Variants in SHANK1 observed in about 807,000 individuals in gnomAD.
SHANK1 encodes SH3 and multiple ankyrin repeat domains 1, also known as SH3 and multiple ankyrin repeat domains protein 1.
A neutral mutation model predicts 165.6 loss-of-function variants in SHANK1; 35 were observed. The observed-to-expected ratio is 0.21, with a 90% CI of 0.16 to 0.28. The LOEUF is 0.28. Among genes scored for constraint, SHANK1 ranks in the 10% least tolerant of loss-of-function variants. The pLI is 1.00. For synonymous variants in SHANK1, 1,428 were observed against 1,384.8 expected, an observed-to-expected ratio of 1.03 and a Z score of -0.69; for missense variants, 2,681 against 3,036.4, an observed-to-expected ratio of 0.88 and a Z score of 2.75.
In SHANK1 at chr19:50,704,485, T is replaced by G. The variant is rs2088914200; in HGVS notation, c.1107A>C (p.Arg369=). 1 of 1,613,844 alleles carries G rather than the reference T, an allele frequency of 6.2e-7. No homozygotes were observed. The highest frequency in any genetic ancestry group is 1.7e-5 in the Admixed American group (1 of 59,988). The change falls in exon 9 of 24, where the codon CGA becomes CGC. Residue 369 remains arginine, a synonymous_variant. Coordinates refer to ENST00000293441, the MANE Select transcript of SHANK1 (RefSeq NM_016148.5). ...KETCARILLY[R]GADKDVKNNN... ...TGTTCTTCACATCCTTGTCGGCACC[T>G]CGATACAGGAGGATCCTGGCACAGG...
At chr19:50,672,761 C>T (rs558244194) in intron 21 of SHANK1, among the ~76,000 whole-genome samples, 2 of 152,202 alleles carry the variant, frequency 1.3e-5, no homozygotes, top group Non-Finnish European at 2.9e-5. Context: ...CTTCCCTCAT[C>T]TCCCTGCTGC....
chr19:50,716,669 T>A lies in SHANK1; in HGVS notation c.251A>T (p.Gln84Leu). 6.4e-7 allele frequency: 1 copy of A among 1,572,462 alleles called. No individual in the cohort carries two copies. Among genetic ancestry groups the A allele is most frequent in the Non-Finnish European group, 8.6e-7 (1 of 1,159,516 alleles). Residue 84 changes from glutamine (Q) to leucine (L), a missense_variant, in exon 2 of 24, where the codon CAG (glutamine) becomes CTG (leucine). Gln to Leu is a moderately radical substitution (Grantham distance 113). Around this residue, in one of 10 missense-constraint regions of SHANK1, gnomAD observed 189 missense variants for 440.9 expected, o/e 0.43. Coordinates refer to ENST00000293441, the MANE Select transcript of SHANK1 (RefSeq NM_016148.5). The surrounding 1 kb of genome is among the most constrained non-coding windows in gnomAD (Gnocchi z 8.4). Reference sequence around the variant, plus strand: ...GGCCAGTGGGCAGGTACTCACTGTCTGGTGCAGGTCCGGGATGCCAATCCT... The same window carrying A: ...GGCCAGTGGGCAGGTACTCACTGTCAGGTGCAGGTCCGGGATGCCAATCCT... ...VFRIGIPDLH[Q>L]TKCLRFNPDA...
chr19:50,707,924 T>G (rs528996427), intron 8 of SHANK1, among the ~76,000 whole-genome samples: 3 of 117,952 alleles, frequency 2.5e-5, no homozygotes, highest in East Asian at 2.2e-4. Flanking sequence ...TTCTTTTCTT[T>G]TCTTTTCTTT....
At chr19:50,663,145 C>T (rs746437972) in intron 23 of SHANK1, 13 of 201,244 alleles carry the variant, frequency 6.5e-5, no homozygotes, top group Non-Finnish European at 1.1e-4. Flanking sequence ...GCACCAAAGT[C>T]TGAGCTCTTC....
intron 8 of SHANK1, among the ~76,000 whole-genome samples, chr19:50,709,693 G>A (rs1028162360): frequency 2.3e-4 from 35 of 152,120 alleles, no homozygotes; most frequent in African/African-American, 1.2e-4. Context: ...GGGACTTCAG[G>A]TGCATGCCAC....
At chr19:50,677,257 A>T (rs950091650) in intron 21 of SHANK1, among the ~76,000 whole-genome samples, 1 of 151,438 alleles carries the variant, frequency 6.6e-6, no homozygotes, top group Non-Finnish European at 1.5e-5. Context: ...CCTCCTGAGT[A>T]GCTGAGACTA....
At chr19:50,710,645 G>T (rs890865) in intron 8 of SHANK1, among the ~76,000 whole-genome samples, 6,048 of 152,254 alleles carry the variant, frequency 0.04, 236 homozygotes, top group Admixed American at 0.12. Flanking sequence ...AGAAGTGGGG[G>T]TGTTCTTCCC....
intron 4 of SHANK1, among the ~76,000 whole-genome samples, 168 bp from the exon 5 acceptor site, chr19:50,714,458 G>A (rs755421831): frequency 9.2e-5 from 14 of 152,128 alleles, no homozygotes; most frequent in Non-Finnish European, 2.1e-4. Flanking sequence ...TTGGGAGGCC[G>A]AGGCGGGAGG....
intron 23 of SHANK1, among the ~76,000 whole-genome samples, chr19:50,665,482 G>A (rs535723826): frequency 5.1e-5 from 7 of 136,334 alleles, no homozygotes; most frequent in South Asian, 4.8e-4. Context: ...CTGGAGAATC[G>A]TTTGAACCTG....
rs939077275 is a variant in SHANK1, at chr19:50,668,049, G to A, written c.3911C>T (p.Ala1304Val). The A allele has an allele frequency of 2.0e-6, 3 of 1,478,088 alleles. No homozygotes were observed. Among genetic ancestry groups the A allele is most frequent in the Admixed American group, 2.3e-5 (1 of 43,464 alleles). 91.6% of individuals were successfully genotyped at this position (1,478,088 alleles called of 1,614,324 possible). Residue 1304 changes from alanine (A) to valine (V), a missense_variant, in exon 23 of 24, where the codon GCG becomes GTG. By Grantham distance (64) the Ala-to-Val change is moderately conservative. Around this residue, in one of 10 missense-constraint regions of SHANK1, gnomAD observed 1,713 missense variants for 1,630.2 expected, o/e 1.05. Transcript: ENST00000293441. The part of the protein sequence containing the change: ...SAEPYLRLES[A>V]GSGAGYGGYG... ...GCCGCCGTAGCCCGCGCCGCTGCCCGCAGACTCCAGTCGGAGGTAGGGCTC... is the reference window on the plus strand; with the variant it reads ...GCCGCCGTAGCCCGCGCCGCTGCCCACAGACTCCAGTCGGAGGTAGGGCTC...
At chr19:50,672,786 C>G (rs1027257696) in intron 21 of SHANK1, among the ~76,000 whole-genome samples, 1 of 152,098 alleles carries the variant, frequency 6.6e-6, no homozygotes, top group Admixed American at 6.5e-5. Context: ...CTTGATCCCC[C>G]ACCCTGTTCC....
intron 21 of SHANK1, among the ~76,000 whole-genome samples, chr19:50,673,069 T>C (rs1272491115): frequency 6.6e-6 from 1 of 152,102 alleles, no homozygotes; most frequent in Non-Finnish European, 1.5e-5. Context: ...CAGTCCGTTA[T>C]GTGTCCCTGC....
chr19:50,667,377 G>T lies in SHANK1; in HGVS notation c.4583C>A (p.Pro1528His). 6.5e-7 allele frequency: 1 copy of T among 1,529,966 alleles called. No individual in the cohort carries two copies. Among genetic ancestry groups the T allele is most frequent in the Non-Finnish European group, 8.8e-7 (1 of 1,142,036 alleles). The allele number at this position is 1,529,966 out of a possible 1,614,324, so 94.8% of individuals were successfully genotyped here. A position where few individuals can be genotyped will look rare whatever the true frequency, so the allele number is the denominator to read the frequency against. The change falls in exon 23 of 24, where the codon CCC becomes CAC. Residue 1528 changes from proline (P) to histidine (H), a missense_variant. By Grantham distance (77) the Pro-to-His change is moderately conservative. This residue lies in a region of SHANK1 where 1,713 missense variants were observed against 1,630.2 expected (regional missense o/e 1.05). Transcript: ENST00000293441. This position sits in a 1 kb window ranked among gnomAD's most constrained non-coding sequence, Gnocchi z 5.7. ...VPPPSPRRSV[P>H]PSPTSPRASE... ...GGCCCTCGGGGAGGTCGGGGAGGGG[G>T]GCACGGACCGGCGTGGGCTGGGCGG...
Position 50,711,992 on chromosome 19 carries a change from G to A in SHANK1, c.915C>T (p.Ala305=), listed in dbSNP as rs755266624. 1.2e-6 allele frequency: 2 copies of A among 1,614,094 alleles called. No individual in the cohort carries two copies. Among genetic ancestry groups the A allele is most frequent in the East Asian group, 4.5e-5 (2 of 44,880 alleles). ...CGTTCTCATCAGCTATGCCCAGCTG[G>A]GCCCTGTTGAACAGGAGCAGCTCGC... ...RCCELLLFNR[A]QLGIADENGW... The change falls in exon 7 of 24, where the codon GCC becomes GCT. Residue 305 remains alanine (A), a synonymous_variant. Transcript: ENST00000293441.
At chr19:50,677,721 C>T (rs1441432409) in intron 21 of SHANK1, among the ~76,000 whole-genome samples, 1 of 152,114 alleles carries the variant, frequency 6.6e-6, no homozygotes, top group Non-Finnish European at 1.5e-5. Context: ...GGGCAAAACC[C>T]CAGCCTGTTC....
Position 50,660,511 on chromosome 19 carries a change from T to C in SHANK1, c.*1454A>G, listed in dbSNP as rs1985160396. Among the ~76,000 whole-genome samples the C allele has an allele frequency of 6.6e-6, 1 of 151,794 alleles. No homozygotes were observed. The highest frequency in any genetic ancestry group is 2.1e-4 in the South Asian group (1 of 4,802). ...GAATGAGAATGGCCGCAAGAGCTGC[T>C]TGTCAACAGGAATAAAAAATAAGCG... is the stretch of plus-strand genomic sequence containing the variant. On this transcript the variant is annotated 3_prime_UTR_variant, in exon 24 of 24. Transcript: ENST00000293441.
Position 50,719,688 on chromosome 19 carries a change from C to T in SHANK1, c.-326G>A, listed in dbSNP as rs1242688066. On this transcript the variant is annotated 5_prime_UTR_variant, in exon 1 of 24. Coordinates refer to ENST00000293441, the MANE Select transcript of SHANK1 (RefSeq NM_016148.5). ...CGCCCCCGGCTCGGTCCGGCCGGCT[C>T]CGGGCGCCGCGTCTCCGCCTGCTCT... 4.0e-5 allele frequency among the ~76,000 whole-genome samples: 6 copies of T among 149,776 alleles called. No homozygotes were observed. Among genetic ancestry groups the T allele is most frequent in the Admixed American group, 3.3e-4 (5 of 15,122 alleles).
At chr19:50,678,406 G>A (rs1166998243) in intron 21 of SHANK1, among the ~76,000 whole-genome samples, 1 of 151,956 alleles carries the variant, frequency 6.6e-6, no homozygotes, top group Non-Finnish European at 1.5e-5. Flanking sequence ...ACACCTGCAT[G>A]GGGCACGGGG....
intron 12 of SHANK1, among the ~76,000 whole-genome samples, chr19:50,701,348 A>ATTTTTTTT (rs35759880): frequency 7.1e-6 from 1 of 140,600 alleles, no homozygotes. Context: ...CACCTGGCTA[A>ATTTTTTTT]TTTTTTTTTT....
Sources: allele counts gnomAD v4.1 joint callset (sites outside exome capture counted in the v4.1 genomes callset), GRCh38; gene constraint gnomAD v4.1.1; regional missense constraint gnomAD v4.1.1; non-coding constraint Gnocchi (gnomAD v3.1); transcripts MANE v1.5; gene names NCBI Gene and HGNC (gene_info 2026-07-23, HGNC 2026-07-21).